THOC7: variants seen among roughly 807,000 people sequenced by gnomAD.
THOC7 encodes the protein NIF3L1-binding protein 1.
THOC7 carries 22 observed loss-of-function variants against 33.1 expected under a neutral mutation model. The ratio of observed to expected loss-of-function variants is 0.66; its 90% confidence interval spans 0.47 to 0.95. The LOEUF (loss-of-function observed/expected upper bound fraction) is 0.95, where lower values mean the gene tolerates loss of function less well. Among genes scored for constraint, THOC7 ranks in the 40% least tolerant of loss-of-function variants. THOC7 has a pLI of 0.00. For missense variants in THOC7, 184 were observed against 245.3 expected (o/e 0.75, Z 1.67); for synonymous variants, 77 against 76.8 (o/e 1.00, Z -0.01).
At chr3:63,846,310 T>A (rs376521436) in intron 1 of THOC7, 2 of 386,972 alleles carry the variant, frequency 5.2e-6, no homozygotes, top group African/African-American at 2.1e-5. Flanking sequence ...TGGACAAAAA[T>A]GGACTTCAGG....
At chr3:63,848,789 T>C (rs1701959436) in intron 1 of THOC7, among the ~76,000 whole-genome samples, 1 of 152,242 alleles carries the variant, frequency 6.6e-6, no homozygotes. Context: ...GAAACATTGC[T>C]GTTTTTTTTA....
intron 1 of THOC7, chr3:63,854,809 C>A (rs1702080948): frequency 6.6e-6 from 1 of 152,016 alleles, no homozygotes; most frequent in South Asian, 2.1e-4. Flanking sequence ...GAGATCGAGA[C>A]CATCCCGGCT....
chr3:63,854,775 G>C (rs1457717812), intron 1 of THOC7: 2 of 152,116 alleles, frequency 1.3e-5, no homozygotes, highest in African/African-American at 4.8e-5. Context: ...TTGTGAGGCC[G>C]AGGCGGGCGG....
intron 1 of THOC7, among the ~76,000 whole-genome samples, chr3:63,846,599 G>A (rs975050211): frequency 2.0e-5 from 3 of 151,988 alleles, no homozygotes; most frequent in African/African-American, 7.3e-5. Context: ...TAGTAGAGAC[G>A]TGGTTTTACC....
At chr3:63,839,164 T>G (rs1701700905) in intron 2 of THOC7, among the ~76,000 whole-genome samples, 1 of 152,088 alleles carries the variant, frequency 6.6e-6, no homozygotes, top group African/African-American at 2.4e-5. Context: ...CACTCCAGCC[T>G]GAACAACAGA....
chr3:63,845,300 C>T (rs185838376), intron 1 of THOC7, among the ~76,000 whole-genome samples: 100 of 152,290 alleles, frequency 6.6e-4, no homozygotes, highest in African/African-American at 2.3e-3. Flanking sequence ...CACATGACTT[C>T]TGGGTTCATA....
chr3:63,854,989 CAGA>C (rs1344017001), intron 1 of THOC7, among the ~76,000 whole-genome samples: 1 of 147,206 alleles, frequency 6.8e-6, no homozygotes, highest in African/African-American at 2.5e-5. Context: ...GCCTGGGCGA[CAGA>C]GCGAGACTCC....
At position 63,834,271 on chromosome 3, in the gene THOC7, A is replaced by G. The variant is rs575836645; in HGVS notation, c.548-72T>C. 6.2e-6 allele frequency: 9 copies of G among 1,454,596 alleles called. No homozygotes were observed. The East Asian group carries it at 6.8e-5, about 11-fold the overall frequency. 90.1% of individuals were successfully genotyped at this position (1,454,596 alleles called of 1,614,324 possible). On this transcript the variant is annotated intron_variant, in intron 7 of 7. Coordinates refer to ENST00000295899, the MANE Select transcript of THOC7 (RefSeq NM_025075.4). The stretch of plus-strand genomic sequence containing the variant: ...TTTTATATTCGATGAACACATGAAA[A>G]CATGTTTATCCTTTATTAGCCAATA...
chr3:63,862,683 C>G lies in THOC7; in HGVS notation c.19+1089G>C, dbSNP rs560685109. The stretch of plus-strand genomic sequence containing the variant: ...TGGCCAGGCCCTTTAATGTGGAGAC[C>G]CTGGTGGTCTTCAACTCTTAAGAAG... On this transcript the variant is annotated intron_variant, in intron 1 of 7. Coordinates refer to ENST00000295899, the MANE Select transcript of THOC7 (RefSeq NM_025075.4). Among the ~76,000 whole-genome samples, 11 of 152,238 alleles carry G rather than the reference C, an allele frequency of 7.2e-5. No homozygotes were observed. In the East Asian group the frequency reaches 2.1e-3, roughly 29 times the overall value.
At chr3:63,857,907 A>G (rs1251389931) in intron 1 of THOC7, among the ~76,000 whole-genome samples, 1 of 152,212 alleles carries the variant, frequency 6.6e-6, no homozygotes, top group Non-Finnish European at 1.5e-5. Flanking sequence ...TGAAAAACCA[A>G]TTATCTTGGC....
chr3:63,851,898 AC>A (rs1210749641), intron 1 of THOC7, among the ~76,000 whole-genome samples: 1 of 152,156 alleles, frequency 6.6e-6, no homozygotes, highest in Non-Finnish European at 1.5e-5. Flanking sequence ...CTAAAAAATA[AC>A]CTTCAAGTCT....
intron 7 of THOC7, among the ~76,000 whole-genome samples, chr3:63,834,628 C>A (rs551723886): frequency 4.6e-5 from 7 of 151,446 alleles, no homozygotes; most frequent in Non-Finnish European, 7.4e-5. Context: ...CCACTGCACT[C>A]CAGCCTGGGT....
intron 1 of THOC7, among the ~76,000 whole-genome samples, chr3:63,852,499 AG>A (rs879910453): frequency 2.0e-5 from 3 of 152,212 alleles, no homozygotes; most frequent in Admixed American, 2.0e-4. Context: ...TTCTCACCCC[AG>A]GCAGGGAGAA....
chr3:63,850,701 C>T (rs1410840615), intron 1 of THOC7, among the ~76,000 whole-genome samples: 2 of 151,314 alleles, frequency 1.3e-5, no homozygotes, highest in Admixed American at 6.6e-5. Context: ...ATTCTCCTGC[C>T]TCAGCCTCTC....
chr3:63,843,184 T>C (rs1332375224), intron 1 of THOC7, among the ~76,000 whole-genome samples: 2 of 152,148 alleles, frequency 1.3e-5, no homozygotes, highest in East Asian at 1.9e-4. Context: ...AGTGGCATGA[T>C]CTCGGCTTAC....
At chr3:63,836,888 A>C (rs1701645586) in intron 4 of THOC7, among the ~76,000 whole-genome samples, 1 of 151,964 alleles carries the variant, frequency 6.6e-6, no homozygotes. Flanking sequence ...ACTCCTGTTA[A>C]GCTTTCTTAT....
At chr3:63,839,460 T>C (rs1327138812) in intron 2 of THOC7, among the ~76,000 whole-genome samples, 196 bp downstream of exon 2, 1 of 152,128 alleles carries the variant, frequency 6.6e-6, no homozygotes, top group Non-Finnish European at 1.5e-5. Context: ...CAATCTGCCT[T>C]CTCCATGTTT....
At chr3:63,837,693 A>G (rs1268585270) in intron 4 of THOC7, among the ~76,000 whole-genome samples, 1 of 152,038 alleles carries the variant, frequency 6.6e-6, no homozygotes, top group African/African-American at 2.4e-5. Context: ...AGGGTCCAAG[A>G]TGGTAAAAAT....
chr3:63,844,983 T>C (rs1185236336), intron 1 of THOC7: 11 of 677,170 alleles, frequency 1.6e-5, no homozygotes, highest in Admixed American at 2.2e-5. Flanking sequence ...ATAAAGACAA[T>C]TGAGATCTTT....
Sources: gnomAD v4.1 joint callset for allele counts (sites outside exome capture counted in the v4.1 genomes callset) on GRCh38, gnomAD v4.1.1 for gene constraint, MANE v1.5 for transcripts, NCBI Gene and HGNC (gene_info 2026-07-23, HGNC 2026-07-21) for gene names.